The following GTF2F2 variants were observed in gnomAD, a reference collection of about 807,000 sequenced individuals.
GTF2F2 encodes the protein ATP-dependent helicase GTF2F2.
A neutral mutation model predicts 42.2 loss-of-function variants in GTF2F2; 23 were observed. That is an observed-to-expected ratio of 0.55 (90% CI 0.39 to 0.77). GTF2F2 has a LOEUF of 0.77. Among genes scored for constraint, GTF2F2 ranks in the 30% least tolerant of loss-of-function variants. The pLI is 0.00. For missense variants in GTF2F2, 261 were observed against 287.2 expected, an observed-to-expected ratio of 0.91 and a Z score of 0.66; for synonymous variants, 105 against 100.8, an observed-to-expected ratio of 1.04 and a Z score of -0.25.
chr13:45,128,035 A>C (rs1477149878), intron 1 of GTF2F2, among the ~76,000 whole-genome samples: 1 of 130,750 alleles, frequency 7.6e-6, no homozygotes, highest in African/African-American at 2.9e-5. Context: ...ATCTCGACTC[A>C]CTGCAAGCTC....
chr13:45,280,856 TG>T (rs1877233162), intron 7 of GTF2F2, among the ~76,000 whole-genome samples: 1 of 152,206 alleles, frequency 6.6e-6, no homozygotes, highest in Non-Finnish European at 1.5e-5. Flanking sequence ...TCCTGGCAAT[TG>T]TTCTTTTCAT....
chr13:45,283,376 T>C, intron 7 of GTF2F2, 66 bp from the exon 8 acceptor site: 1 of 1,433,150 alleles, frequency 7.0e-7, no homozygotes, highest in South Asian at 1.3e-5. Context: ...TGGCATATCA[T>C]CTTATTTTAA....
Position 45,195,586 on chromosome 13 carries a change from T to A in GTF2F2, c.305-11838T>A, listed in dbSNP as rs560380435. The stretch of plus-strand genomic sequence containing the variant: ...AAAATAAATCACCAAAGCCTAACCT[T>A]GTTTTTCAACTTGGGAGCTGGAACA... On this transcript the variant is annotated intron_variant, in intron 4 of 7. Transcript: ENST00000340473. 2.0e-5 allele frequency among the ~76,000 whole-genome samples: 3 copies of A among 152,316 alleles called. No homozygotes were observed. In the South Asian group the frequency reaches 6.2e-4, roughly 32 times the overall value.
At chr13:45,135,705 A>G (rs1176594554) in intron 1 of GTF2F2, among the ~76,000 whole-genome samples, 2 of 152,210 alleles carry the variant, frequency 1.3e-5, no homozygotes, top group African/African-American at 2.4e-5. Context: ...TTTTTTGCAC[A>G]TGAAGTACTG....
intron 6 of GTF2F2, among the ~76,000 whole-genome samples, chr13:45,255,950 C>G (rs1171252341): frequency 6.6e-6 from 1 of 152,090 alleles, no homozygotes; most frequent in Non-Finnish European, 1.5e-5. Context: ...TTTGACCTAG[C>G]AGTTTTGTGT....
rs183595201 is a variant in GTF2F2, at chr13:45,144,640, A to G, written c.141-5130A>G. On this transcript the variant is annotated intron_variant, in intron 2 of 7. Transcript: ENST00000340473. Reference sequence around the variant, plus strand: ...GTATTTTTAGTAGAGACGGGGTTTCACTGTGTTAGCCAGGTTGGTCTCGAT... The same window carrying G: ...GTATTTTTAGTAGAGACGGGGTTTCGCTGTGTTAGCCAGGTTGGTCTCGAT... Among the ~76,000 whole-genome samples the G allele has an allele frequency of 4.9e-4, 74 of 151,744 alleles. 1 individual carries two copies. In the East Asian group the frequency reaches 0.014, roughly 29 times the overall value.
chr13:45,140,999 A>G (rs558161617), intron 2 of GTF2F2, among the ~76,000 whole-genome samples: 3 of 152,330 alleles, frequency 2.0e-5, no homozygotes, highest in Admixed American at 2.0e-4. Context: ...TTCCCAACCC[A>G]TAGGATGTTT....
Position 45,263,290 on chromosome 13 carries a change from C to T in GTF2F2, c.487-3943C>T, listed in dbSNP as rs987992669. Among the ~76,000 whole-genome samples, 7 of 151,550 alleles carry T rather than the reference C, an allele frequency of 4.6e-5. 1 individual carries two copies. The highest frequency in any genetic ancestry group is 1.3e-4 in the Admixed American group (2 of 15,228). On this transcript the variant is annotated intron_variant, in intron 6 of 7. Coordinates refer to ENST00000340473, the MANE Select transcript of GTF2F2 (RefSeq NM_004128.3). ...TCACCCAGGCTAGAGTGCAGTGGCG[C>T]GATCTCGGCTCACTGCAAGCTCCGC...
chr13:45,162,850 C>G (rs1186694369), intron 4 of GTF2F2, among the ~76,000 whole-genome samples: 1 of 152,164 alleles, frequency 6.6e-6, no homozygotes, highest in Non-Finnish European at 1.5e-5. Flanking sequence ...CTATGCCTAA[C>G]AGCTGTATTT....
At chr13:45,137,688 C>G (rs183320852) in intron 2 of GTF2F2, among the ~76,000 whole-genome samples, 1 of 152,114 alleles carries the variant, frequency 6.6e-6, no homozygotes, top group Non-Finnish European at 1.5e-5. Context: ...AGAGGAAGCC[C>G]CAGTGCACAA....
chr13:45,220,641 A>C (rs1011408375), intron 5 of GTF2F2, among the ~76,000 whole-genome samples: 2 of 152,146 alleles, frequency 1.3e-5, no homozygotes, highest in African/African-American at 2.4e-5. Flanking sequence ...AGTAGAGGTC[A>C]CCCTGGTAAA....
At chr13:45,181,206 A>G (rs1207094938) in intron 4 of GTF2F2, among the ~76,000 whole-genome samples, 2 of 149,048 alleles carry the variant, frequency 1.3e-5, no homozygotes, top group Non-Finnish European at 3.0e-5. Context: ...AAAAAAAACC[A>G]GAAAAACCAA....
intron 4 of GTF2F2, among the ~76,000 whole-genome samples, chr13:45,169,830 T>G (rs1223711309): frequency 2.6e-5 from 4 of 152,178 alleles, no homozygotes; most frequent in Non-Finnish European, 2.9e-5. Context: ...CTTCAGTAAC[T>G]TATTCCCTTT....
At chr13:45,155,314 T>C (rs182916128) in intron 4 of GTF2F2, among the ~76,000 whole-genome samples, 21 of 152,352 alleles carry the variant, frequency 1.4e-4, no homozygotes, top group Admixed American at 7.2e-4. Context: ...ATTTCTACAT[T>C]TTCTATCAAG....
chr13:45,123,932 T>C (rs1344425388), intron 1 of GTF2F2: 1 of 511,712 alleles, frequency 2.0e-6, no homozygotes, highest in Non-Finnish European at 3.6e-6. Context: ...GGTTGGGGAC[T>C]GAGTATGGCA....
intron 4 of GTF2F2, among the ~76,000 whole-genome samples, chr13:45,153,725 C>A (rs1301086553): frequency 6.6e-6 from 1 of 152,040 alleles, no homozygotes; most frequent in East Asian, 1.9e-4. Flanking sequence ...TGCCTGTAAT[C>A]CCAGCACTTT....
chr13:45,219,974 A>G (rs989623935), intron 5 of GTF2F2, among the ~76,000 whole-genome samples: 14 of 152,234 alleles, frequency 9.2e-5, no homozygotes, highest in African/African-American at 3.1e-4. Context: ...AGGTTACATA[A>G]AACAAAATAT....
At chr13:45,271,721 T>C (rs1593529151) in intron 7 of GTF2F2, among the ~76,000 whole-genome samples, 1 of 152,024 alleles carries the variant, frequency 6.6e-6, no homozygotes, top group East Asian at 1.9e-4. Flanking sequence ...CTGGCTAATA[T>C]TTGTATTTTT....
intron 5 of GTF2F2, among the ~76,000 whole-genome samples, chr13:45,245,682 TATATATATATATATATATACATATAC>T (rs145066864): frequency 0.22 from 24,433 of 112,692 alleles, 2,548 homozygotes; most frequent in African/African-American, 0.26. Context: ...TATATATATA[TATATATATATATATATATACATATAC>T]ATACACACAC....
Sources: gnomAD v4.1 joint callset for allele counts (sites outside exome capture counted in the v4.1 genomes callset) on GRCh38, gnomAD v4.1.1 for gene constraint, MANE v1.5 for transcripts, NCBI Gene and HGNC (gene_info 2026-07-23, HGNC 2026-07-21) for gene names.